Variants in TASP1 observed in about 807,000 individuals in gnomAD.
TASP1 encodes the protein taspase 1, also known as threonine aspartase 1.
In TASP1, 16 loss-of-function variants were observed where a neutral mutation model predicts 56.6. That is an observed-to-expected ratio of 0.28 (90% confidence interval 0.19 to 0.43). TASP1 has a LOEUF of 0.43. TASP1 is among the 20% of genes least tolerant of loss of function. TASP1 has a pLI of 1.00. For missense variants in TASP1, 393 were observed against 511.6 expected, an observed-to-expected ratio of 0.77 and a Z score of 2.24; for synonymous variants, 179 against 184.2, an observed-to-expected ratio of 0.97 and a Z score of 0.23.
the TASP1 span, among the ~76,000 whole-genome samples, chr20:13,123,264 A>G: frequency 6.6e-6 from 1 of 151,806 alleles, no homozygotes; most frequent in Non-Finnish European, 1.5e-5. Flanking sequence ...CCAGGAGACG[A>G]AGGTTGCAGT....
the TASP1 span, among the ~76,000 whole-genome samples, chr20:13,309,120 T>A: frequency 6.6e-6 from 1 of 152,130 alleles, no homozygotes; most frequent in Non-Finnish European, 1.5e-5. Flanking sequence ...AATTTAAAAC[T>A]CACAATGCAA....
At chr20:13,220,297 C>G in the TASP1 span, among the ~76,000 whole-genome samples, 3 of 152,178 alleles carry the variant, frequency 2.0e-5, no homozygotes, top group Admixed American at 2.0e-4. Flanking sequence ...TGCCACGGAC[C>G]GACACAGTTC....
the TASP1 span, among the ~76,000 whole-genome samples, chr20:13,230,387 TC>T: frequency 3.3e-5 from 5 of 152,206 alleles, no homozygotes. Flanking sequence ...ATGTAATAGT[TC>T]CTTTGTCGTC....
the TASP1 span, among the ~76,000 whole-genome samples, chr20:13,183,514 GAGAA>G: frequency 1.3e-5 from 2 of 152,160 alleles, no homozygotes; most frequent in East Asian, 3.9e-4. Context: ...GGAAATTAAA[GAGAA>G]ACACACATGG....
At chr20:13,411,939 T>C (rs952626526) in intron 13 of TASP1, among the ~76,000 whole-genome samples, 7 of 152,212 alleles carry the variant, frequency 4.6e-5, no homozygotes, top group African/African-American at 1.7e-4. Flanking sequence ...TTTTTTAAAA[T>C]CTCTTTTGCT....
the TASP1 span, among the ~76,000 whole-genome samples, chr20:13,122,288 A>G: frequency 6.6e-6 from 1 of 152,224 alleles, no homozygotes; most frequent in Non-Finnish European, 1.5e-5. Context: ...AAACATTTGG[A>G]GACCAATGTG....
the TASP1 span, among the ~76,000 whole-genome samples, chr20:13,160,551 A>G: frequency 6.6e-6 from 1 of 152,246 alleles, no homozygotes; most frequent in African/African-American, 2.4e-5. Flanking sequence ...ACAAGAACAA[A>G]TCTACATTAC....
chr20:13,230,883 T>A, the TASP1 span, among the ~76,000 whole-genome samples: 1 of 152,212 alleles, frequency 6.6e-6, no homozygotes, highest in African/African-American at 2.4e-5. Context: ...CTGTGGCTTA[T>A]CAGTCAAGAG....
At chr20:13,570,907 T>C (rs1489176420) in intron 6 of TASP1, among the ~76,000 whole-genome samples, 1 of 151,948 alleles carries the variant, frequency 6.6e-6, no homozygotes. Context: ...ATAAAAGAAA[T>C]AATTCTGTTC....
the TASP1 span, among the ~76,000 whole-genome samples, chr20:13,148,703 C>T: frequency 5.3e-5 from 8 of 152,276 alleles, no homozygotes; most frequent in African/African-American, 1.4e-4. Flanking sequence ...CTGAGACATC[C>T]CAGTCTGCTT....
At chr20:13,207,011 G>A in the TASP1 span, among the ~76,000 whole-genome samples, 1 of 152,188 alleles carries the variant, frequency 6.6e-6, no homozygotes, top group African/African-American at 2.4e-5. Flanking sequence ...GTTTATCCAA[G>A]CTTTGTGTCA....
At chr20:13,170,168 G>A in the TASP1 span, among the ~76,000 whole-genome samples, 1 of 152,302 alleles carries the variant, frequency 6.6e-6, no homozygotes, top group Non-Finnish European at 1.5e-5. Flanking sequence ...TACTCTTGTA[G>A]AGATTAATAA....
the TASP1 span, among the ~76,000 whole-genome samples, chr20:13,335,539 C>T: frequency 1.3e-5 from 2 of 151,826 alleles, no homozygotes; most frequent in East Asian, 1.9e-4. Context: ...ATACCACCAG[C>T]GATCTGCAGA....
At chr20:13,248,000 G>A in the TASP1 span, among the ~76,000 whole-genome samples, 15 of 152,252 alleles carry the variant, frequency 9.9e-5, no homozygotes, top group South Asian at 1.2e-3. Context: ...CTTGTTCATC[G>A]TGTGTCAGTG....
intron 11 of TASP1, among the ~76,000 whole-genome samples, chr20:13,438,400 G>A (rs1322467035): frequency 6.6e-6 from 1 of 152,158 alleles, no homozygotes; most frequent in East Asian, 1.9e-4. Flanking sequence ...AACAAGAAAT[G>A]GGGAAATGAT....
chr20:13,193,043 C>G, the TASP1 span, among the ~76,000 whole-genome samples: 1 of 152,084 alleles, frequency 6.6e-6, no homozygotes, highest in African/African-American at 2.4e-5. Context: ...CTGAGATTAG[C>G]TTTCCAGAAA....
chr20:13,630,111 G>A lies in TASP1; in HGVS notation c.-33C>T. ...GATTACCATCTTCTACTGAGAAAGGGGCATACTTCCATCCAAAAGTAATTG... is the reference window on the plus strand; with the variant it reads ...GATTACCATCTTCTACTGAGAAAGGAGCATACTTCCATCCAAAAGTAATTG... On this transcript the variant is annotated 5_prime_UTR_variant, in exon 2 of 14. Coordinates refer to ENST00000337743, the MANE Select transcript of TASP1 (RefSeq NM_017714.3). 1 of 1,593,438 alleles carries A rather than the reference G, an allele frequency of 6.3e-7. No homozygotes were observed. The highest frequency in any genetic ancestry group is 1.4e-5 in the African/African-American group (1 of 73,782).
the TASP1 span, among the ~76,000 whole-genome samples, chr20:13,339,695 G>C: frequency 2.0e-5 from 3 of 151,906 alleles, no homozygotes; most frequent in African/African-American, 7.3e-5. Flanking sequence ...AGTAGACATG[G>C]CCTTTCTTCC....
the TASP1 span, chr20:13,299,548 T>G: frequency 8.4e-7 from 1 of 1,194,228 alleles, no homozygotes; most frequent in Non-Finnish European, 1.2e-6. The surrounding 1 kb of genome is among the most constrained non-coding windows in gnomAD (Gnocchi z 5.8). Flanking sequence ...GAGACCTTCA[T>G]AGCTGCGGTC....
Sources: gnomAD v4.1 joint callset for allele counts (sites outside exome capture counted in the v4.1 genomes callset) on GRCh38, gnomAD v4.1.1 for gene constraint, Gnocchi (gnomAD v3.1) non-coding constraint, MANE v1.5 for transcripts, NCBI Gene and HGNC (gene_info 2026-07-23, HGNC 2026-07-21) for gene names.